The following AKAP12 variants were observed in gnomAD, a reference collection of about 807,000 sequenced individuals.
The protein encoded by AKAP12 is A-kinase anchor protein 12.
AKAP12 carries 32 observed loss-of-function variants against 79.9 expected under a neutral mutation model. That is an observed-to-expected ratio of 0.40 (90% CI 0.30 to 0.54). The LOEUF (loss-of-function observed/expected upper bound fraction) is 0.54, where lower values mean the gene tolerates loss of function less well. AKAP12 is among the 20% of genes least tolerant of loss of function. The probability of loss-of-function intolerance (pLI) is 0.48; values close to 1 mark genes in which losing one functional copy is unlikely to be tolerated. For missense variants in AKAP12, 2,074 were observed against 2,177.0 expected, an observed-to-expected ratio of 0.95 and a Z score of 0.94; for synonymous variants, 808 against 857.0, an observed-to-expected ratio of 0.94 and a Z score of 1.00.
chr6:151,241,260 CCTGCGGCA>C (rs1796970029), intron 2 of AKAP12, among the ~76,000 whole-genome samples: 1 of 152,222 alleles, frequency 6.6e-6, no homozygotes, highest in Non-Finnish European at 1.5e-5. Flanking sequence ...ACCCAGTCCT[CCTGCGGCA>C]GCGGCCCGAG....
chr6:151,345,942 A>T (rs867697727), intron 3 of AKAP12, among the ~76,000 whole-genome samples: 4,582 of 146,298 alleles, frequency 0.031, 99 homozygotes, highest in Admixed American at 0.09. Context: ...TGAGAGAGAG[A>T]GAGAGAGAGA....
chr6:151,349,596 A>G lies in AKAP12; in HGVS notation c.1205A>G (p.Glu402Gly). 1 of 1,611,310 alleles carries G rather than the reference A, an allele frequency of 6.2e-7. No individual in the cohort carries two copies. The highest frequency in any genetic ancestry group is 8.5e-7 in the Non-Finnish European group (1 of 1,179,162). Residue 402 changes from glutamate to glycine, a missense_variant, in exon 4 of 5, where the codon GAA becomes GGA. Glu to Gly is a moderately conservative substitution (Grantham distance 98). Coordinates refer to ENST00000402676, the MANE Select transcript of AKAP12 (RefSeq NM_005100.4). ...SEEKPAPLAT[E>G]VFDEKIEVHQ... Reference sequence around the variant, plus strand: ...GAGAAACCTGCTCCGTTGGCGACAGAAGTGTTTGATGAGAAAATAGAAGTC... The same window carrying G: ...GAGAAACCTGCTCCGTTGGCGACAGGAGTGTTTGATGAGAAAATAGAAGTC...
At chr6:151,307,102 G>A (rs906435369) in intron 3 of AKAP12, among the ~76,000 whole-genome samples, 1 of 152,242 alleles carries the variant, frequency 6.6e-6, no homozygotes, top group African/African-American at 2.4e-5. Flanking sequence ...TGAGAGGGGA[G>A]ATTAGGGGGA....
chr6:151,353,894 A>G lies in AKAP12; in HGVS notation c.*12+142A>G, dbSNP rs547286716. On this transcript the variant is annotated intron_variant, in intron 4 of 4. Coordinates refer to ENST00000402676, the MANE Select transcript of AKAP12 (RefSeq NM_005100.4). Reference sequence around the variant, plus strand: ...GGAAAATAACTATCAACTAGATTCAAAGATCTAGGATAGTTTCATGGTTTT... The same window carrying G: ...GGAAAATAACTATCAACTAGATTCAGAGATCTAGGATAGTTTCATGGTTTT... 1.8e-5 allele frequency: 11 copies of G among 616,740 alleles called. No individual in the cohort carries two copies. In the East Asian group the frequency reaches 2.2e-4, roughly 12 times the overall value. 38.2% of individuals were successfully genotyped at this position (616,740 alleles called of 1,614,324 possible).
intron 2 of AKAP12, among the ~76,000 whole-genome samples, chr6:151,305,194 A>T (rs1379857858): frequency 1.4e-5 from 2 of 145,272 alleles, no homozygotes; most frequent in African/African-American, 5.1e-5. Context: ...TTTAAAACCT[A>T]CTTGATTCAT....
At chr6:151,344,099 A>G (rs957546236) in intron 3 of AKAP12, 2 of 222,936 alleles carry the variant, frequency 9.0e-6, no homozygotes, top group Non-Finnish European at 1.8e-5. Flanking sequence ...TGTGTATTTT[A>G]TAAAGAGAAA....
At chr6:151,250,725 C>T (rs1425825817) in intron 2 of AKAP12, among the ~76,000 whole-genome samples, 1 of 151,472 alleles carries the variant, frequency 6.6e-6, no homozygotes, top group Non-Finnish European at 1.5e-5. Context: ...CCTGCCTCAG[C>T]CTCCCGAGTA....
intron 3 of AKAP12, among the ~76,000 whole-genome samples, chr6:151,339,030 G>T (rs143038886): frequency 3.3e-5 from 5 of 152,322 alleles, no homozygotes; most frequent in Non-Finnish European, 7.3e-5. Flanking sequence ...ATCTGTGAGT[G>T]GGTGGGTAGG....
At chr6:151,341,175 C>T (rs1229727926) in intron 3 of AKAP12, among the ~76,000 whole-genome samples, 1 of 151,960 alleles carries the variant, frequency 6.6e-6, no homozygotes, top group African/African-American at 2.4e-5. Context: ...CCTCAGCCTC[C>T]CGAGTAGCTG....
At position 151,301,307 on chromosome 6, in the gene AKAP12, A is replaced by G. The variant is rs113914928; in HGVS notation, c.163-4440A>G. 2.9e-3 allele frequency among the ~76,000 whole-genome samples: 443 copies of G among 152,298 alleles called. 5 individuals carry two copies. Among genetic ancestry groups the G allele is most frequent in the African/African-American group, 0.01 (417 of 41,576 alleles). On this transcript the variant is annotated intron_variant, in intron 2 of 4. Coordinates refer to ENST00000402676, the MANE Select transcript of AKAP12 (RefSeq NM_005100.4). ...TGCGTGTTTATTAATAAAGAAATGT[A>G]CCCACAATGTATGAAACCATCAGGT...
chr6:151,288,075 G>A (rs988004706), intron 2 of AKAP12, among the ~76,000 whole-genome samples: 5 of 151,448 alleles, frequency 3.3e-5, no homozygotes, highest in Admixed American at 2.6e-4. Context: ...GGAGTGGGGG[G>A]CTAGGGGAGG....
chr6:151,308,935 C>T (rs1457106748), intron 3 of AKAP12, among the ~76,000 whole-genome samples: 4 of 152,138 alleles, frequency 2.6e-5, no homozygotes, highest in African/African-American at 7.2e-5. Flanking sequence ...AGTACAGTGG[C>T]GTGATCTTGG....
At chr6:151,293,550 T>C (rs1435224900) in intron 2 of AKAP12, among the ~76,000 whole-genome samples, 3 of 152,182 alleles carry the variant, frequency 2.0e-5, no homozygotes, top group African/African-American at 7.2e-5. Flanking sequence ...GGGGAACTTG[T>C]CTTAGACATT....
At chr6:151,275,081 G>A (rs1776265599) in intron 2 of AKAP12, among the ~76,000 whole-genome samples, 1 of 152,008 alleles carries the variant, frequency 6.6e-6, no homozygotes, top group African/African-American at 2.4e-5. Flanking sequence ...TTCAGCCTGG[G>A]TGACAGAGCA....
chr6:151,341,618 A>G lies in AKAP12; in HGVS notation c.320-7093A>G, dbSNP rs549967514. ...AGCCGGCAGGGGCGCGCTGGGCCTC[A>G]CGGGCGGCTGTTGGGCTGCCCCTGC... On this transcript the variant is annotated intron_variant, in intron 3 of 4. Transcript: ENST00000402676. 5.0e-5 allele frequency: 46 copies of G among 917,022 alleles called. No homozygotes were observed. The African/African-American group carries it at 8.2e-4, about 16-fold the overall frequency. The allele number at this position is 917,022 out of a possible 1,614,324, so 56.8% of individuals were successfully genotyped here.
intron 3 of AKAP12, among the ~76,000 whole-genome samples, chr6:151,331,239 C>CT (rs5880926): frequency 8.0e-5 from 12 of 150,476 alleles, no homozygotes; most frequent in Admixed American, 1.3e-4. Context: ...TTCCATAGGA[C>CT]TTTTTTTTTT....
intron 2 of AKAP12, among the ~76,000 whole-genome samples, chr6:151,295,984 CT>C (rs1156399614): frequency 1.3e-5 from 2 of 152,152 alleles, no homozygotes; most frequent in South Asian, 2.1e-4. Context: ...AGTAAGGGAA[CT>C]TTTTTGGCTT....
intron 2 of AKAP12, among the ~76,000 whole-genome samples, chr6:151,283,776 G>A (rs1015492206): frequency 6.6e-6 from 1 of 152,194 alleles, no homozygotes; most frequent in Non-Finnish European, 1.5e-5. Context: ...TTTTCTGAGA[G>A]CTCAGAAGCT....
intron 2 of AKAP12, among the ~76,000 whole-genome samples, chr6:151,255,152 T>A: frequency 6.8e-6 from 1 of 146,820 alleles, no homozygotes; most frequent in East Asian, 2.0e-4. Context: ...AAACAGTAGA[T>A]GGGATTGATA....
Sources: gnomAD v4.1 joint callset for allele counts (sites outside exome capture counted in the v4.1 genomes callset) on GRCh38, gnomAD v4.1.1 for gene constraint, MANE v1.5 for transcripts, NCBI Gene and HGNC (gene_info 2026-07-23, HGNC 2026-07-21) for gene names.